ITPKB: variants seen among roughly 807,000 people sequenced by gnomAD.
ITPKB encodes IP3 3-kinase B.
Under a neutral mutation model 69.4 loss-of-function variants are expected in ITPKB, and 13 were observed. That is an observed-to-expected ratio of 0.19 (90% CI 0.12 to 0.30). ITPKB has a LOEUF of 0.30. Ranked by LOEUF, ITPKB falls within the 10% of genes least tolerant of loss-of-function variation. The pLI, the probability that ITPKB is intolerant of heterozygous loss-of-function variation, is 1.00. For missense variants in ITPKB, 1,240 were observed against 1,250.5 expected (o/e 0.99, Z 0.13); for synonymous variants, 584 against 513.7 (o/e 1.14, Z -1.85).
chr1:226,720,770 G>A (rs546257580), intron 2 of ITPKB, among the ~76,000 whole-genome samples: 9 of 150,576 alleles, frequency 6.0e-5, no homozygotes, highest in African/African-American at 2.0e-4. Context: ...GGCCGGGCGC[G>A]GCCGGGCGTG....
chr1:226,704,884 ACTC>A lies in ITPKB; in HGVS notation c.1932+30640_1932+30642del, dbSNP rs553074717. On this transcript the variant is annotated intron_variant, in intron 2 of 7. Coordinates refer to ENST00000429204, the MANE Select transcript of ITPKB (RefSeq NM_002221.4). Reference sequence around the variant, plus strand: ...GAGGCTCCTTTGCACAGTGGAACAAACTCCTCATAAAATTTACAACTTGAAAGA... The same window carrying A: ...GAGGCTCCTTTGCACAGTGGAACAAACTCATAAAATTTACAACTTGAAAGA... Among the ~76,000 whole-genome samples, 137 of 152,282 alleles carry A rather than the reference ACTC, an allele frequency of 9.0e-4. 1 individual carries two copies. Among genetic ancestry groups the A allele is most frequent in the African/African-American group, 3.2e-3 (132 of 41,558 alleles).
rs1297364716 is a variant in ITPKB, at chr1:226,631,890, G to A, written c.*2781C>T. The A allele has an allele frequency of 3.3e-5, 5 of 152,244 alleles. No homozygotes were observed. The highest frequency in any genetic ancestry group is 1.2e-4 in the African/African-American group (5 of 41,396). The allele number at this position is 152,244 out of a possible 1,614,324, so 9.4% of individuals were successfully genotyped here. ...TGACCACCCCAGAGCCAGGGGCTGG[G>A]TTATATACACATGGGGTGGACAGAT... On this transcript the variant is annotated 3_prime_UTR_variant, in exon 8 of 8. Coordinates refer to ENST00000429204, the MANE Select transcript of ITPKB (RefSeq NM_002221.4).
rs139555467 is a variant in ITPKB at position 226,637,705 on chromosome 1, C to T, written c.2599G>A (p.Val867Ile). ...RLKAIRTTLE[V>I]SPFFKCHEVI... Reference sequence around the variant, plus strand: ...TCGTGGCACTTGAAGAAGGGAGAAACTTCTAGAGTGGTTCGAATGGCCTTC... The same window carrying T: ...TCGTGGCACTTGAAGAAGGGAGAAATTTCTAGAGTGGTTCGAATGGCCTTC... The change falls in exon 7 of 8, where the codon GTT (valine) becomes ATT (isoleucine). Residue 867 changes from valine to isoleucine, a missense_variant. By Grantham distance (29) the Val-to-Ile change is conservative. Transcript: ENST00000429204. This position sits in a 1 kb window ranked among gnomAD's most constrained non-coding sequence, Gnocchi z 4.3. 1.2e-6 allele frequency: 2 copies of T among 1,614,056 alleles called. No individual in the cohort carries two copies. Among genetic ancestry groups the T allele is most frequent in the Non-Finnish European group, 1.7e-6 (2 of 1,179,900 alleles).
rs761282549 is a variant in ITPKB at position 226,665,056 on chromosome 1, A to AT, written c.1933-16286dup. On this transcript the variant is annotated intron_variant, in intron 2 of 7. Coordinates refer to ENST00000429204, the MANE Select transcript of ITPKB (RefSeq NM_002221.4). ...CAGCAGACTCACCTTGTTTGGCTACATTTTTTTTCTAAATTAGTTGCTAAC... is the reference window on the plus strand; with the variant it reads ...CAGCAGACTCACCTTGTTTGGCTACATTTTTTTTTCTAAATTAGTTGCTAAC... 7.2e-5 allele frequency among the ~76,000 whole-genome samples: 11 copies of AT among 152,270 alleles called. No individual in the cohort carries two copies. In the East Asian group the frequency reaches 1.5e-3, roughly 21 times the overall value.
chr1:226,711,820 T>C (rs893322306), intron 2 of ITPKB, among the ~76,000 whole-genome samples: 2 of 152,022 alleles, frequency 1.3e-5, no homozygotes, highest in Non-Finnish European at 2.9e-5. Context: ...AGAGACTCCA[T>C]GTTAAAAGGC....
At chr1:226,713,458 G>A (rs1056634906) in intron 2 of ITPKB, among the ~76,000 whole-genome samples, 2 of 152,184 alleles carry the variant, frequency 1.3e-5, no homozygotes, top group African/African-American at 2.4e-5. Context: ...CGACAAGGAC[G>A]GCGTCCTCCC....
chr1:226,654,253 A>T (rs141900583), intron 2 of ITPKB, among the ~76,000 whole-genome samples: 95 of 152,274 alleles, frequency 6.2e-4, no homozygotes, highest in Non-Finnish European at 1.1e-3. Context: ...CAAAACCCCA[A>T]CCATCTTTGC....
chr1:226,692,029 A>G (rs1656370008), intron 2 of ITPKB, among the ~76,000 whole-genome samples: 1 of 152,236 alleles, frequency 6.6e-6, no homozygotes, highest in Admixed American at 6.5e-5. Flanking sequence ...AGCCCCAGAA[A>G]AAACAAAGAT....
intron 2 of ITPKB, chr1:226,656,628 A>G (rs548884490): frequency 6.6e-6 from 1 of 152,360 alleles, no homozygotes; most frequent in East Asian, 1.9e-4. Context: ...CTGAAGCAAC[A>G]TACATACTCC....
intron 2 of ITPKB, among the ~76,000 whole-genome samples, chr1:226,676,803 C>T (rs960195295): frequency 2.0e-5 from 3 of 152,214 alleles, no homozygotes; most frequent in African/African-American, 7.2e-5. Flanking sequence ...TTTATCCAAG[C>T]AAGTTGCCAA....
chr1:226,680,036 A>G (rs1475816564), intron 2 of ITPKB, among the ~76,000 whole-genome samples: 1 of 152,190 alleles, frequency 6.6e-6, no homozygotes. Context: ...TGCGCCTCCG[A>G]CCAGCTTACG....
intron 2 of ITPKB, among the ~76,000 whole-genome samples, chr1:226,677,652 G>T (rs749823431): frequency 6.6e-6 from 1 of 152,222 alleles, no homozygotes; most frequent in Non-Finnish European, 1.5e-5. Flanking sequence ...TGTGCCAGAG[G>T]CTGCAAGATG....
At chr1:226,654,876 G>A (rs764128769) in intron 2 of ITPKB, among the ~76,000 whole-genome samples, 3 of 152,120 alleles carry the variant, frequency 2.0e-5, no homozygotes, top group Admixed American at 1.3e-4. Flanking sequence ...AGGCAAAAAA[G>A]GACTGCTGGG....
chr1:226,639,495 G>A, intron 6 of ITPKB, 62 bp downstream of exon 6: 1 of 1,124,638 alleles, frequency 8.9e-7, no homozygotes, highest in Non-Finnish European at 1.4e-6. Context: ...CACCTCCAGA[G>A]TAGACACAGT....
Position 226,637,844 on chromosome 1 carries a change from T to C in ITPKB, c.2554-94A>G, listed in dbSNP as rs1017797496. ...GGCCTCTAGTGGTCCCTCCCGTGAA[T>C]GTGCTTTACCCTAAACGCCGGACAT... On this transcript the variant is annotated intron_variant, in intron 6 of 7. Transcript: ENST00000429204. The surrounding 1 kb of genome is among the most constrained non-coding windows in gnomAD (Gnocchi z 4.3). The C allele has an allele frequency of 5.8e-5, 53 of 920,830 alleles. No homozygotes were observed. Among genetic ancestry groups the C allele is most frequent in the Non-Finnish European group, 8.6e-5 (49 of 570,832 alleles). 57.0% of individuals were successfully genotyped at this position (920,830 alleles called of 1,614,324 possible).
At chr1:226,716,016 G>C (rs1395035245) in intron 2 of ITPKB, among the ~76,000 whole-genome samples, 2 of 152,152 alleles carry the variant, frequency 1.3e-5, no homozygotes, top group Admixed American at 6.6e-5. Context: ...TTGCCAAGTT[G>C]GCCAGGCTGG....
chr1:226,649,464 G>GT (rs929786508), intron 2 of ITPKB, among the ~76,000 whole-genome samples: 2 of 151,200 alleles, frequency 1.3e-5, no homozygotes, highest in Admixed American at 1.3e-4. Flanking sequence ...TGTGTGATAT[G>GT]TGCATGTATG....
chr1:226,700,953 T>C (rs1656622428), intron 2 of ITPKB, among the ~76,000 whole-genome samples: 2 of 152,230 alleles, frequency 1.3e-5, no homozygotes, highest in Admixed American at 1.3e-4. Flanking sequence ...CTCTGGATGT[T>C]AGATTACGTA....
intron 2 of ITPKB, among the ~76,000 whole-genome samples, chr1:226,662,538 C>T (rs1239169610): frequency 6.6e-6 from 1 of 152,192 alleles, no homozygotes; most frequent in East Asian, 1.9e-4. Flanking sequence ...AAAAGTTTAC[C>T]TCTCTAGGCC....
Sources: gnomAD v4.1 joint callset for allele counts (sites outside exome capture counted in the v4.1 genomes callset) on GRCh38, gnomAD v4.1.1 for gene constraint, Gnocchi (gnomAD v3.1) non-coding constraint, MANE v1.5 for transcripts, NCBI Gene and HGNC (gene_info 2026-07-23, HGNC 2026-07-21) for gene names.